ABCC4: variants seen among roughly 807,000 people sequenced by gnomAD.
ABCC4 encodes the protein ATP binding cassette subfamily C member 4 (PEL blood group).
ABCC4 carries 102 observed loss-of-function variants against 168.5 expected under a neutral mutation model. The observed-to-expected ratio is 0.61, with a 90% CI of 0.52 to 0.71. The LOEUF (loss-of-function observed/expected upper bound fraction) is 0.71, where lower values mean the gene tolerates loss of function less well. ABCC4 is among the 30% of genes least tolerant of loss of function. The pLI, the probability that ABCC4 is intolerant of heterozygous loss-of-function variation, is 0.00. For missense variants in ABCC4, 1,402 were observed against 1,605.8 expected, an observed-to-expected ratio of 0.87 and a Z score of 2.17; for synonymous variants, 617 against 590.7, an observed-to-expected ratio of 1.04 and a Z score of -0.65.
chr13:95,235,305 A>G (rs1200771151), intron 3 of ABCC4, among the ~76,000 whole-genome samples: 1 of 152,188 alleles, frequency 6.6e-6, no homozygotes, highest in South Asian at 2.1e-4. Flanking sequence ...TTTTAACCTG[A>G]AATCAAAATT....
At chr13:95,140,691 G>C (rs1239517684) in intron 19 of ABCC4, among the ~76,000 whole-genome samples, 2 of 152,212 alleles carry the variant, frequency 1.3e-5, no homozygotes, top group South Asian at 2.1e-4. Flanking sequence ...ATCATTCTTG[G>C]GAAAACCCAG....
chr13:95,043,614 A>G (rs1322182548), intron 29 of ABCC4, 68 bp downstream of exon 29: 10 of 1,357,454 alleles, frequency 7.4e-6, no homozygotes, highest in Admixed American at 1.9e-5. Flanking sequence ...AAGTTTTACA[A>G]GGAAGGAATA....
At chr13:95,072,199 GCC>G (rs2033752123) in intron 24 of ABCC4, among the ~76,000 whole-genome samples, 1 of 152,230 alleles carries the variant, frequency 6.6e-6, no homozygotes, top group African/African-American at 2.4e-5. Flanking sequence ...GGTGGCTCAT[GCC>G]TATAATCCCA....
intron 19 of ABCC4, among the ~76,000 whole-genome samples, chr13:95,153,262 A>G (rs1566469689): frequency 6.6e-6 from 1 of 152,226 alleles, no homozygotes; most frequent in Admixed American, 6.5e-5. Flanking sequence ...TCAGTCACAC[A>G]TCCCATAGGC....
intron 30 of ABCC4, among the ~76,000 whole-genome samples, chr13:95,022,893 A>G (rs998404449): frequency 6.6e-6 from 1 of 152,214 alleles, no homozygotes; most frequent in Non-Finnish European, 1.5e-5. Context: ...ATAACACACA[A>G]TGTACTAAAA....
intron 26 of ABCC4, among the ~76,000 whole-genome samples, chr13:95,060,150 A>T (rs2033229303): frequency 6.6e-6 from 1 of 152,228 alleles, no homozygotes; most frequent in South Asian, 2.1e-4. Flanking sequence ...AGACAAAGCC[A>T]TACAAAGTTA....
chr13:95,120,031 C>T (rs915963245), intron 19 of ABCC4, among the ~76,000 whole-genome samples: 1 of 151,486 alleles, frequency 6.6e-6, no homozygotes, highest in Non-Finnish European at 1.5e-5. Context: ...AATATGTGAT[C>T]TCTTGTGTCT....
intron 26 of ABCC4, among the ~76,000 whole-genome samples, chr13:95,058,055 C>A (rs145385842): frequency 6.6e-6 from 1 of 152,184 alleles, no homozygotes; most frequent in Non-Finnish European, 1.5e-5. Flanking sequence ...GATCTTCTGA[C>A]GCTCACTAGC....
chr13:95,208,707 G>A (rs2038861120), intron 6 of ABCC4, among the ~76,000 whole-genome samples: 1 of 131,378 alleles, frequency 7.6e-6, no homozygotes, highest in East Asian at 2.4e-4. Context: ...TGCAACCTCT[G>A]CCTCCTGGAT....
At chr13:95,145,945 C>G (rs2036479646) in intron 19 of ABCC4, among the ~76,000 whole-genome samples, 1 of 152,164 alleles carries the variant, frequency 6.6e-6, no homozygotes, top group Non-Finnish European at 1.5e-5. Context: ...GGCACAGTGG[C>G]TCACGGCTGT....
chr13:95,071,486 C>A (rs1401804781), intron 25 of ABCC4, among the ~76,000 whole-genome samples, 176 bp downstream of exon 25: 1 of 152,146 alleles, frequency 6.6e-6, no homozygotes, highest in Non-Finnish European at 1.5e-5. Context: ...GCCCACCAAC[C>A]ACAGTAAAGC....
At chr13:95,109,113 C>A (rs965671701) in intron 20 of ABCC4, among the ~76,000 whole-genome samples, 1 of 152,120 alleles carries the variant, frequency 6.6e-6, no homozygotes, top group African/African-American at 2.4e-5. Flanking sequence ...TGCTCTAGAT[C>A]CTGGAAAAGT....
chr13:95,207,382 T>C (rs1267339404), intron 7 of ABCC4, among the ~76,000 whole-genome samples: 2 of 152,212 alleles, frequency 1.3e-5, no homozygotes, highest in African/African-American at 2.4e-5. Flanking sequence ...CCATGCCTGT[T>C]TGGAATGAAA....
chr13:95,114,823 AGAG>A (rs1206331941), intron 20 of ABCC4, among the ~76,000 whole-genome samples: 1 of 152,204 alleles, frequency 6.6e-6, no homozygotes, highest in Non-Finnish European at 1.5e-5. Context: ...CTGTGGCTCC[AGAG>A]GAGATCTAAA....
intron 19 of ABCC4, among the ~76,000 whole-genome samples, chr13:95,119,007 A>G (rs1482902828): frequency 6.6e-6 from 1 of 152,188 alleles, no homozygotes; most frequent in African/African-American, 2.4e-5. Context: ...ACAGGGTCCC[A>G]TGTTGGCCAT....
intron 3 of ABCC4, among the ~76,000 whole-genome samples, chr13:95,242,075 G>A (rs2892715): frequency 0.3 from 46,224 of 152,058 alleles, 8,714 homozygotes; most frequent in Non-Finnish European, 0.41. Context: ...AAAAAGGCCT[G>A]AAAGTCATCA....
At chr13:95,178,112 AG>A (rs756415210) in intron 11 of ABCC4, 21 bp from the exon 12 acceptor site, 7 of 1,604,938 alleles carry the variant, frequency 4.4e-6, no homozygotes, top group African/African-American at 4.0e-5. Context: ...AAAGGAAAGA[AG>A]GGGGGAAAAA....
chr13:95,094,294 A>G (rs139905460), intron 20 of ABCC4, among the ~76,000 whole-genome samples: 1 of 152,362 alleles, frequency 6.6e-6, no homozygotes, highest in African/African-American at 2.4e-5. Context: ...ATAAGGCCAT[A>G]GTCACCAAAA....
At chr13:95,179,748 T>G (rs4148493) in intron 11 of ABCC4, among the ~76,000 whole-genome samples, 64,793 of 151,916 alleles carry the variant, frequency 0.43, 14,333 homozygotes, top group East Asian at 0.55. Context: ...GATCAAGGTG[T>G]CATTTCTTTG....
Sources: gnomAD v4.1 joint callset for allele counts (sites outside exome capture counted in the v4.1 genomes callset) on GRCh38, gnomAD v4.1.1 for gene constraint, MANE v1.5 for transcripts, NCBI Gene and HGNC (gene_info 2026-07-23, HGNC 2026-07-21) for gene names.